KIR2DL1: variants seen among roughly 807,000 people sequenced by gnomAD.
KIR2DL1 encodes killer cell immunoglobulin like receptor, two Ig domains and long cytoplasmic tail 1.
KIR2DL1 carries 38 observed loss-of-function variants against 33.9 expected under a neutral mutation model. The ratio of observed to expected loss-of-function variants is 1.12; its 90% CI spans 0.86 to 1.47. The LOEUF is 1.47. Among genes scored for constraint, KIR2DL1 ranks in the 40% most tolerant of loss-of-function variants. The pLI, the probability that KIR2DL1 is intolerant of heterozygous loss-of-function variation, is 0.00. For synonymous variants in KIR2DL1, 179 were observed against 165.9 expected (o/e 1.08, Z -0.61); for missense variants, 531 against 433.9 (o/e 1.22, Z -1.99).
At chr19:54,781,499 A>G (rs1464146308) in intron 5 of KIR2DL1, among the ~76,000 whole-genome samples, 1 of 150,682 alleles carries the variant, frequency 6.6e-6, no homozygotes, top group African/African-American at 2.4e-5. Flanking sequence ...AGATTCAGAT[A>G]GACCATGGGG....
intron 2 of KIR2DL1, among the ~76,000 whole-genome samples, chr19:54,773,034 C>T (rs1454212056): frequency 2.0e-5 from 3 of 147,652 alleles, no homozygotes; most frequent in African/African-American, 7.4e-5. Context: ...GGTTCCTCTT[C>T]CACCCCCACA....
At chr19:54,783,310 C>G (rs1400971861) in intron 6 of KIR2DL1, among the ~76,000 whole-genome samples, 176 bp from the exon 7 acceptor site, 1 of 151,906 alleles carries the variant, frequency 6.6e-6, no homozygotes, top group Non-Finnish European at 1.5e-5. Flanking sequence ...GATGGGAACT[C>G]AGAGCTATTC....
intron 7 of KIR2DL1, 29 bp downstream of exon 7, chr19:54,783,567 C>G (rs1359973141): frequency 6.2e-7 from 1 of 1,613,922 alleles, no homozygotes; most frequent in South Asian, 1.1e-5. Flanking sequence ...GGGCTCGTGG[C>G]TACTGTTATT....
chr19:54,783,488 G>T lies in KIR2DL1; in HGVS notation c.820G>T (p.Ala274Ser), dbSNP rs1294707054. 1 of 1,613,442 alleles carries T rather than the reference G, an allele frequency of 6.2e-7. No individual in the cohort carries two copies. Among genetic ancestry groups the T allele is most frequent in the Non-Finnish European group, 8.5e-7 (1 of 1,179,638 alleles). Reference protein sequence around the residue: ...LHRWCSNKKNAAVMDQESAGN... With the variant: ...LHRWCSNKKNSAVMDQESAGN... ...TTGTTGACTTCCATCTTCTACAGAT[G>T]CTGCGGTAATGGACCAAGAGTCTGC... The change falls in exon 7 of 8, where the codon GCT becomes TCT. Residue 274 changes from alanine to serine, a missense_variant and splice_region_variant. Coordinates refer to ENST00000336077, the MANE Select transcript of KIR2DL1 (RefSeq NM_014218.3).
chr19:54,776,626 A>G lies in KIR2DL1; in HGVS notation c.664+1168A>G, dbSNP rs1253225789. Among the ~76,000 whole-genome samples the G allele has an allele frequency of 1.2e-4, 16 of 132,794 alleles. 1 individual carries two copies. Among genetic ancestry groups the G allele is most frequent in the Non-Finnish European group, 2.6e-4 (16 of 60,868 alleles). 87.1% of individuals were successfully genotyped at this position (132,794 alleles called of 152,430 possible). ...AGTAGTGAAATTGCTGGATACTATG[A>G]AAGTTCTCTTTTTTTTTTTTTTTTC... is the stretch of plus-strand genomic sequence containing the variant. On this transcript the variant is annotated intron_variant, in intron 4 of 7. Transcript: ENST00000336077.
intron 4 of KIR2DL1, 151 bp from the exon 5 acceptor site, chr19:54,778,461 A>T (rs1370609767): frequency 2.5e-6 from 2 of 785,962 alleles, no homozygotes; most frequent in Non-Finnish European, 4.1e-6. Context: ...AGTGGGTGTC[A>T]TATAAAAAAA....
In KIR2DL1 at chr19:54,775,923, GC is replaced by G. The variant is rs1377645068; in HGVS notation, c.664+466del. ...ACATTTTTTTTTGAGGTGGAGTCTA[GC>G]TCTGTCCCCTATGATGGAGTGCAGT... On this transcript the variant is annotated intron_variant, in intron 4 of 7. Coordinates refer to ENST00000336077, the MANE Select transcript of KIR2DL1 (RefSeq NM_014218.3). Among the ~76,000 whole-genome samples the G allele has an allele frequency of 5.5e-5, 8 of 145,676 alleles. 1 individual carries two copies. The East Asian group carries it at 1.6e-3, about 29-fold the overall frequency.
chr19:54,770,535 G>A lies in KIR2DL1; in HGVS notation c.35-314G>A, dbSNP rs1379868557. ...ATAAGGGCCTGGATTGGAGATATGG[G>A]CCCAGGGTGGAGATCTGAGCCTGGA... is the stretch of plus-strand genomic sequence containing the variant. On this transcript the variant is annotated intron_variant, in intron 1 of 7. Transcript: ENST00000336077. Among the ~76,000 whole-genome samples, 49 of 144,332 alleles carry A rather than the reference G, an allele frequency of 3.4e-4. 6 individuals carry two copies. The highest frequency in any genetic ancestry group is 4.3e-4 in the Non-Finnish European group (28 of 64,722). The allele number at this position is 144,332 out of a possible 152,430, so 94.7% of individuals were successfully genotyped here.
chr19:54,779,208 G>A (rs1600824015), intron 5 of KIR2DL1, among the ~76,000 whole-genome samples: 1 of 147,814 alleles, frequency 6.8e-6, no homozygotes, highest in African/African-American at 2.5e-5. Context: ...TCCTATTGTT[G>A]CCATAACAAA....
chr19:54,775,085 G>C, intron 3 of KIR2DL1, 80 bp from the exon 4 acceptor site: 1 of 1,457,340 alleles, frequency 6.9e-7, no homozygotes, highest in Non-Finnish European at 9.3e-7. Flanking sequence ...CATAGAACAG[G>C]GGAGTGAGTT....
intron 2 of KIR2DL1, among the ~76,000 whole-genome samples, chr19:54,771,838 A>G (rs2075763085): frequency 1.4e-5 from 2 of 147,786 alleles, no homozygotes; most frequent in Admixed American, 1.4e-4. Context: ...GTTCACAACC[A>G]CACTACCCCA....
At chr19:54,770,549 T>A (rs1415480217) in intron 1 of KIR2DL1, among the ~76,000 whole-genome samples, 6 of 141,530 alleles carry the variant, frequency 4.2e-5, no homozygotes, top group African/African-American at 1.6e-4. Context: ...AGGGTGGAGA[T>A]CTGAGCCTGG....
At position 54,774,316 on chromosome 19, in the gene KIR2DL1, T is replaced by G. The variant is rs2076085072; in HGVS notation, c.370+684T>G. On this transcript the variant is annotated intron_variant, in intron 3 of 7. Transcript: ENST00000336077. ...AGCCAGAGGAAGGAGATTGAGAGAC[T>G]CACAGACACATAAAGAGAGAGAAAA... Among the ~76,000 whole-genome samples, 2 of 143,612 alleles carry G rather than the reference T, an allele frequency of 1.4e-5. 1 individual carries two copies. Among genetic ancestry groups the G allele is most frequent in the South Asian group, 4.4e-4 (2 of 4,532 alleles). The allele number at this position is 143,612 out of a possible 152,430, so 94.2% of individuals were successfully genotyped here.
rs2076240275 is a variant in KIR2DL1 at position 54,775,631 on chromosome 19, A to G, written c.664+173A>G. Among the ~76,000 whole-genome samples, 3 of 148,684 alleles carry G rather than the reference A, an allele frequency of 2.0e-5. 1 individual carries two copies. On this transcript the variant is annotated intron_variant, in intron 4 of 7. Transcript: ENST00000336077. ...ACAGGGCACCTCCAAACCCTCCTAC[A>G]TGGCCTGCATGGAGGCCCACGGCCA...
chr19:54,774,084 A>G (rs1376882661), intron 3 of KIR2DL1, among the ~76,000 whole-genome samples: 1 of 148,716 alleles, frequency 6.7e-6, no homozygotes, highest in Non-Finnish European at 1.5e-5. Flanking sequence ...TTATTCTGAC[A>G]CCTCTGCCTT....
intron 5 of KIR2DL1, 120 bp from the exon 6 acceptor site, chr19:54,782,802 T>C: frequency 9.4e-7 from 1 of 1,061,982 alleles, no homozygotes; most frequent in East Asian, 2.4e-5. Flanking sequence ...TCTCCTGCCA[T>C]CTGGGTGCTT....
intron 4 of KIR2DL1, among the ~76,000 whole-genome samples, chr19:54,778,285 T>G (rs985980819): frequency 6.7e-6 from 1 of 149,652 alleles, no homozygotes; most frequent in Non-Finnish European, 1.5e-5. Context: ...AACCATTGGA[T>G]GTAAATGCAT....
rs182518292 is a variant in KIR2DL1, at chr19:54,777,455, A to G, written c.665-1157A>G. The stretch of plus-strand genomic sequence containing the variant: ...GATTTTAATTTGCGTTTCTCTGATG[A>G]TGAGTGATACTGAGCACTTTTTCGT... On this transcript the variant is annotated intron_variant, in intron 4 of 7. Transcript: ENST00000336077. Among the ~76,000 whole-genome samples, 132 of 149,300 alleles carry G rather than the reference A, an allele frequency of 8.8e-4. 2 individuals are homozygous for G. The highest frequency in any genetic ancestry group is 1.5e-3 in the Non-Finnish European group (98 of 66,736).
chr19:54,775,395 T>C lies in KIR2DL1; in HGVS notation c.601T>C (p.Ser201Pro). ...THGGTYRCFG[S>P]FHDSPYEWSK... Reference sequence around the variant, plus strand: ...CGGAGGGACCTACAGATGCTTCGGCTCTTTCCATGACTCTCCATACGAGTG... The same window carrying C: ...CGGAGGGACCTACAGATGCTTCGGCCCTTTCCATGACTCTCCATACGAGTG... Residue 201 changes from serine to proline, a missense_variant, in exon 4 of 8, where the codon TCT becomes CCT. Ser to Pro is a moderately conservative substitution (Grantham distance 74). Coordinates refer to ENST00000336077, the MANE Select transcript of KIR2DL1 (RefSeq NM_014218.3). 1 of 1,584,126 alleles carries C rather than the reference T, an allele frequency of 6.3e-7. No homozygotes were observed. The highest frequency in any genetic ancestry group is 8.6e-7 in the Non-Finnish European group (1 of 1,156,244).
Sources: allele counts gnomAD v4.1 joint callset (sites outside exome capture counted in the v4.1 genomes callset), GRCh38; gene constraint gnomAD v4.1.1; transcripts MANE v1.5; gene names NCBI Gene and HGNC (gene_info 2026-07-23, HGNC 2026-07-21).